The following CLCN3 variants were observed in gnomAD, a reference collection of about 807,000 sequenced individuals.
CLCN3 encodes H(+)/Cl(-) exchange transporter 3.
In CLCN3, 16 loss-of-function variants were observed where a neutral mutation model predicts 83.4. That is an observed-to-expected ratio of 0.19 (90% CI 0.13 to 0.29). The LOEUF (loss-of-function observed/expected upper bound fraction) is 0.29. Ranked by LOEUF, CLCN3 falls within the 10% of genes least tolerant of loss-of-function variation. The pLI is 1.00. For missense variants in CLCN3, 544 were observed against 1,006.0 expected (o/e 0.54, Z 6.21); for synonymous variants, 322 against 346.2 (o/e 0.93, Z 0.78).
rs115366778 is a variant in CLCN3 at position 169,654,054 on chromosome 4, A to C, written c.160+17966A>C. ...ATTACTAGAAAACAATTTTTTACCC[A>C]CTCTTGTACAGTGCCACCTCTGATA... On this transcript the variant is annotated intron_variant, in intron 2 of 12. Transcript: ENST00000513761. 7.7e-3 allele frequency among the ~76,000 whole-genome samples: 1,173 copies of C among 151,676 alleles called. 16 individuals carry two copies. The highest frequency in any genetic ancestry group is 0.026 in the African/African-American group (1,089 of 41,318).
intron 11 of CLCN3, among the ~76,000 whole-genome samples, chr4:169,707,785 T>A (rs1381689074): frequency 3.3e-5 from 5 of 152,230 alleles, no homozygotes; most frequent in Non-Finnish European, 7.3e-5. Flanking sequence ...TTTTTATTTC[T>A]GATCAAATGC....
rs749272481 is a variant in CLCN3 at position 169,719,901 on chromosome 4, T to C, written c.2367-6T>C. 9 of 1,605,412 alleles carry C rather than the reference T, an allele frequency of 5.6e-6. No homozygotes were observed. Among genetic ancestry groups the C allele is most frequent in the Non-Finnish European group, 7.6e-6 (9 of 1,177,378 alleles). On this transcript the variant is annotated splice_region_variant and splice_polypyrimidine_tract_variant and intron_variant, in intron 12 of 12. Transcript: ENST00000513761. ...TTCATAGGAGTCTTCTGTTTATTCC[T>C]TTCAGGCGCCTCCTTGGCATTATAA...
rs1251059121 is a variant in CLCN3, at chr4:169,723,447, A to G, written c.*3450A>G. ...GTCAGTGAAAGCTGCAGGTCCACAG[A>G]AAACTGATTTCATTTCAGCTCACTT... On this transcript the variant is annotated 3_prime_UTR_variant, in exon 13 of 13. Coordinates refer to ENST00000513761, the MANE Select transcript of CLCN3 (RefSeq NM_001829.4). The G allele has an allele frequency of 6.6e-6, 1 of 152,160 alleles. No individual in the cohort carries two copies. The highest frequency in any genetic ancestry group is 2.4e-5 in the African/African-American group (1 of 41,422). The allele number at this position is 152,160 out of a possible 1,614,324, so 9.4% of individuals were successfully genotyped here. A position where few individuals can be genotyped will look rare whatever the true frequency, so the allele number is the denominator to read the frequency against.
chr4:169,678,300 G>A (rs1321776736), intron 2 of CLCN3, among the ~76,000 whole-genome samples: 2 of 152,116 alleles, frequency 1.3e-5, no homozygotes, highest in East Asian at 1.9e-4. Flanking sequence ...GTTGACACTC[G>A]GGCTTGACTT....
At chr4:169,715,837 ACTGT>A (rs777335219) in intron 12 of CLCN3, among the ~76,000 whole-genome samples, 68 of 152,152 alleles carry the variant, frequency 4.5e-4, no homozygotes, top group South Asian at 1.7e-3. Context: ...ACATTTTGTG[ACTGT>A]CTAAGTTTGG....
In CLCN3 at chr4:169,663,314, TTTG is replaced by T. The variant is rs71590022; in HGVS notation, c.161-16706_161-16704del. Among the ~76,000 whole-genome samples, 202 of 131,148 alleles carry T rather than the reference TTTG, an allele frequency of 1.5e-3. 3 individuals carry two copies. The highest frequency in any genetic ancestry group is 9.0e-3 in the South Asian group (40 of 4,466). The allele number at this position is 131,148 out of a possible 152,430, so 86.0% of individuals were successfully genotyped here. A position where few individuals can be genotyped will look rare whatever the true frequency, so the allele number is the denominator to read the frequency against. ...CTGGATACTGTCCTAAGTGGGTTTT[TTTG>T]TTGTTGTTGTTGTTGTTGTTGTTGT... On this transcript the variant is annotated intron_variant, in intron 2 of 12. Transcript: ENST00000513761.
chr4:169,678,668 G>A (rs1297585345), intron 2 of CLCN3, among the ~76,000 whole-genome samples: 1 of 152,180 alleles, frequency 6.6e-6, no homozygotes, highest in East Asian at 1.9e-4. Context: ...AGCACATCTT[G>A]CACCGCCCTT....
At chr4:169,642,165 C>T (rs368046324) in intron 2 of CLCN3, among the ~76,000 whole-genome samples, 6 of 151,876 alleles carry the variant, frequency 4.0e-5, no homozygotes, top group African/African-American at 1.5e-4. Context: ...AACTCCTGGC[C>T]GCAAGCTCTC....
At chr4:169,632,155 C>A (rs958539111) in intron 1 of CLCN3, among the ~76,000 whole-genome samples, 4 of 151,180 alleles carry the variant, frequency 2.6e-5, no homozygotes, top group African/African-American at 9.7e-5. Context: ...TAAAAACCTT[C>A]AACAAAATAT....
intron 1 of CLCN3, among the ~76,000 whole-genome samples, chr4:169,628,613 A>G (rs1413020858): frequency 6.6e-6 from 1 of 152,248 alleles, no homozygotes; most frequent in Admixed American, 6.5e-5. Context: ...CCGTACATCT[A>G]TCAGAATAGC....
rs1228276802 is a variant in CLCN3, at chr4:169,697,521, A to G, written c.1350A>G (p.Leu450=). The change falls in exon 9 of 13, where the codon CTA becomes CTG. Residue 450 remains leucine, a synonymous_variant. Transcript: ENST00000513761. ...VIAFPNPYTR[L]NTSELIKELF... ...CCTTCCCTAATCCATACACTAGGCTAAACACCAGTGAACTGATCAAAGAGC... is the reference window on the plus strand; with the variant it reads ...CCTTCCCTAATCCATACACTAGGCTGAACACCAGTGAACTGATCAAAGAGC... 3 of 1,614,188 alleles carry G rather than the reference A, an allele frequency of 1.9e-6. No individual in the cohort carries two copies. In the South Asian group the frequency reaches 3.3e-5, roughly 18 times the overall value.
chr4:169,701,082 A>G (rs1362270153), intron 9 of CLCN3, among the ~76,000 whole-genome samples: 2 of 152,220 alleles, frequency 1.3e-5, no homozygotes, highest in East Asian at 1.9e-4. Context: ...TTTTACCTAC[A>G]GTAGACCTTC....
chr4:169,628,106 C>T (rs927445941), intron 1 of CLCN3, among the ~76,000 whole-genome samples: 31 of 152,156 alleles, frequency 2.0e-4, no homozygotes, highest in Admixed American at 6.5e-5. Context: ...GTCCCATTCC[C>T]AACCCCCCAA....
chr4:169,644,087 C>T (rs939885233), intron 2 of CLCN3, among the ~76,000 whole-genome samples: 5 of 152,000 alleles, frequency 3.3e-5, no homozygotes, highest in South Asian at 2.1e-4. Context: ...ACAGTATGAG[C>T]GAAAGTGTTC....
At chr4:169,651,804 T>G (rs1730739367) in intron 2 of CLCN3, among the ~76,000 whole-genome samples, 2 of 152,158 alleles carry the variant, frequency 1.3e-5, no homozygotes, top group South Asian at 4.1e-4. Context: ...CATAAAATAA[T>G]AAGTCTATGG....
intron 12 of CLCN3, chr4:169,717,989 C>A (rs1581295585): frequency 7.1e-6 from 4 of 560,620 alleles, no homozygotes; most frequent in Non-Finnish European, 6.5e-6. Flanking sequence ...TACTATGCTG[C>A]CAATTACATT....
At chr4:169,700,621 T>G (rs1164985035) in intron 9 of CLCN3, among the ~76,000 whole-genome samples, 3 of 152,156 alleles carry the variant, frequency 2.0e-5, no homozygotes, top group Non-Finnish European at 2.9e-5. Flanking sequence ...TTTATTATCC[T>G]TATTAAATTT....
At chr4:169,646,631 T>C (rs947086201) in intron 2 of CLCN3, among the ~76,000 whole-genome samples, 1 of 152,150 alleles carries the variant, frequency 6.6e-6, no homozygotes, top group Non-Finnish European at 1.5e-5. Flanking sequence ...TTATATAAAG[T>C]TTTGGTTTAG....
At chr4:169,691,610 AT>A (rs1341123592) in intron 6 of CLCN3, among the ~76,000 whole-genome samples, 1 of 152,180 alleles carries the variant, frequency 6.6e-6, no homozygotes, top group Non-Finnish European at 1.5e-5. Flanking sequence ...TTAAGTTTGT[AT>A]TAAGAATATC....
Sources: gnomAD v4.1 joint callset for allele counts (sites outside exome capture counted in the v4.1 genomes callset) on GRCh38, gnomAD v4.1.1 for gene constraint, MANE v1.5 for transcripts, NCBI Gene and HGNC (gene_info 2026-07-23, HGNC 2026-07-21) for gene names.